Variants in FHIT observed in about 807,000 individuals in gnomAD.
The protein encoded by FHIT is fragile histidine triad diadenosine triphosphatase.
A neutral mutation model predicts 17.9 loss-of-function variants in FHIT; 19 were observed. The ratio of observed to expected loss-of-function variants is 1.06; its 90% CI spans 0.74 to 1.56. The LOEUF (loss-of-function observed/expected upper bound fraction) is 1.56, where lower values mean the gene tolerates loss of function less well. Among genes scored for constraint, FHIT ranks in the 40% most tolerant of loss-of-function variants. FHIT has a pLI of 0.00. For missense variants in FHIT, 248 were observed against 189.2 expected (o/e 1.31, Z -1.82); for synonymous variants, 81 against 69.7 (o/e 1.16, Z -0.81).
chr3:60,809,972 C>A (rs532808587), intron 4 of FHIT, among the ~76,000 whole-genome samples: 21 of 152,254 alleles, frequency 1.4e-4, no homozygotes, highest in African/African-American at 4.8e-4. Flanking sequence ...AATTGAGAAA[C>A]CCTACCAGCC....
chr3:60,763,191 T>C (rs954557902), intron 4 of FHIT, among the ~76,000 whole-genome samples: 1 of 152,150 alleles, frequency 6.6e-6, no homozygotes, highest in Non-Finnish European at 1.5e-5. Flanking sequence ...TGTGTAAAAG[T>C]GCTGTGCTGT....
intron 7 of FHIT, among the ~76,000 whole-genome samples, chr3:59,986,518 T>TAA (rs1421652731): frequency 2.4e-4 from 12 of 49,880 alleles, no homozygotes; most frequent in African/African-American, 1.0e-3. Flanking sequence ...TATATATATA[T>TAA]ATATATATAT....
chr3:59,955,500 C>T (rs945253626), intron 7 of FHIT, among the ~76,000 whole-genome samples: 1 of 152,200 alleles, frequency 6.6e-6, no homozygotes, highest in Non-Finnish European at 1.5e-5. Context: ...CCAAATGTTG[C>T]TGGCACACAC....
Position 60,860,875 on chromosome 3 carries a change from ATG to A in FHIT, c.-110-38866_-110-38865del, listed in dbSNP as rs1209525054. ...ATATGAACATATGTACATATATATC[ATG>A]TATATATGAACATATATACGTATAT... On this transcript the variant is annotated intron_variant, in intron 3 of 9. Transcript: ENST00000492590. Among the ~76,000 whole-genome samples, 5 of 88,258 alleles carry A rather than the reference ATG, an allele frequency of 5.7e-5. 1 individual carries two copies. The highest frequency in any genetic ancestry group is 2.1e-4 in the African/African-American group (5 of 23,424). 57.9% of individuals were successfully genotyped at this position (88,258 alleles called of 152,430 possible). A position where few individuals can be genotyped will look rare whatever the true frequency, so the allele number is the denominator to read the frequency against.
At chr3:59,965,971 T>G (rs1707908543) in intron 7 of FHIT, among the ~76,000 whole-genome samples, 1 of 152,162 alleles carries the variant, frequency 6.6e-6, no homozygotes, top group African/African-American at 2.4e-5. Context: ...CTTAAAGGCC[T>G]TTCTAGACTG....
intron 2 of FHIT, among the ~76,000 whole-genome samples, chr3:61,074,468 T>C (rs2034908347): frequency 6.6e-6 from 1 of 152,184 alleles, no homozygotes; most frequent in Non-Finnish European, 1.5e-5. Flanking sequence ...CAGTAATGGT[T>C]GACTTTGTGT....
rs577117049 is a variant in FHIT at position 59,760,469 on chromosome 3, G to A, written c.349-8148C>T. On this transcript the variant is annotated intron_variant, in intron 8 of 9. Transcript: ENST00000492590. Reference sequence around the variant, plus strand: ...GATATTACTCCACTAACTACACTATGAATAGTCTTTGGAACATGCTATGTA... The same window carrying A: ...GATATTACTCCACTAACTACACTATAAATAGTCTTTGGAACATGCTATGTA... Among the ~76,000 whole-genome samples the A allele has an allele frequency of 5.2e-4, 79 of 151,634 alleles. 1 individual carries two copies. In the South Asian group the frequency reaches 7.1e-3, roughly 14 times the overall value.
Position 59,747,479 on chromosome 3 carries a change from T to C in FHIT, c.*2106A>G, listed in dbSNP as rs990054590. ...GTTACCTCCCACTGGGTCCCTCCCA[T>C]GACATGTGGGGATTATGGGAGCTAC... On this transcript the variant is annotated 3_prime_UTR_variant, in exon 10 of 10. Transcript: ENST00000492590. Among the ~76,000 whole-genome samples, 1 of 152,084 alleles carries C rather than the reference T, an allele frequency of 6.6e-6. No individual in the cohort carries two copies. The highest frequency in any genetic ancestry group is 1.5e-5 in the Non-Finnish European group (1 of 68,004).
At chr3:60,551,281 T>C (rs958991280) in intron 4 of FHIT, among the ~76,000 whole-genome samples, 8 of 150,480 alleles carry the variant, frequency 5.3e-5, no homozygotes. Context: ...AGCTCCAGAG[T>C]GTTCAGGGTC....
At chr3:60,560,619 A>G (rs374783758) in intron 4 of FHIT, among the ~76,000 whole-genome samples, 4 of 152,048 alleles carry the variant, frequency 2.6e-5, no homozygotes, top group African/African-American at 7.2e-5. Flanking sequence ...AAATGGGAAG[A>G]ACCAGGCAGG....
intron 5 of FHIT, among the ~76,000 whole-genome samples, chr3:60,063,267 T>A (rs1048106467): frequency 3.3e-5 from 5 of 152,216 alleles, no homozygotes; most frequent in African/African-American, 1.2e-4. Flanking sequence ...CAAGATCAAC[T>A]TTCTGGCAAT....
chr3:60,556,035 C>T (rs531693571), intron 4 of FHIT, among the ~76,000 whole-genome samples: 78 of 152,304 alleles, frequency 5.1e-4, no homozygotes, highest in African/African-American at 1.8e-3. Context: ...GCCTTGTCCT[C>T]CTTTTCACTT....
chr3:60,610,591 A>T (rs1461131086), intron 4 of FHIT, among the ~76,000 whole-genome samples: 2 of 152,176 alleles, frequency 1.3e-5, no homozygotes. Flanking sequence ...TGAGAGAACT[A>T]TTAGGGACAG....
At chr3:59,806,417 T>G (rs1318574706) in intron 8 of FHIT, among the ~76,000 whole-genome samples, 1 of 152,068 alleles carries the variant, frequency 6.6e-6, no homozygotes, top group African/African-American at 2.4e-5. Flanking sequence ...CTTAGAGCTC[T>G]AAATTTATAC....
At chr3:60,568,690 T>C (rs1214368444) in intron 4 of FHIT, among the ~76,000 whole-genome samples, 2 of 152,078 alleles carry the variant, frequency 1.3e-5, no homozygotes. Flanking sequence ...TAAAGCAAAA[T>C]GAACTAAACC....
At chr3:59,777,561 C>T (rs1227073144) in intron 8 of FHIT, among the ~76,000 whole-genome samples, 1 of 152,198 alleles carries the variant, frequency 6.6e-6, no homozygotes, top group Non-Finnish European at 1.5e-5. Flanking sequence ...GCCTATTTCT[C>T]TCCACCTCCA....
intron 7 of FHIT, among the ~76,000 whole-genome samples, chr3:59,970,575 A>G (rs1184547476): frequency 6.6e-6 from 1 of 152,136 alleles, no homozygotes; most frequent in Non-Finnish European, 1.5e-5. Flanking sequence ...CGGAGGGAAC[A>G]GCCTTTTGGT....
intron 3 of FHIT, among the ~76,000 whole-genome samples, chr3:61,028,795 A>G (rs1313934450): frequency 1.3e-5 from 2 of 151,878 alleles, no homozygotes; most frequent in African/African-American, 4.8e-5. Flanking sequence ...GATAGCCTTG[A>G]GAGTTGAAAT....
intron 5 of FHIT, among the ~76,000 whole-genome samples, chr3:60,296,895 C>T (rs1708236370): frequency 6.9e-6 from 1 of 144,344 alleles, no homozygotes; most frequent in Non-Finnish European, 1.5e-5. Context: ...TATTCTTTCT[C>T]TAACTGAATT....
Sources: gnomAD v4.1 joint callset for allele counts (sites outside exome capture counted in the v4.1 genomes callset) on GRCh38, gnomAD v4.1.1 for gene constraint, MANE v1.5 for transcripts, NCBI Gene and HGNC (gene_info 2026-07-23, HGNC 2026-07-21) for gene names.